Variants in IL1R1 observed in about 807,000 individuals in gnomAD.
The protein encoded by IL1R1 is interleukin-1 receptor type 1.
IL1R1 carries 22 observed loss-of-function variants against 50.2 expected under a neutral mutation model. That is an observed-to-expected ratio of 0.44 (90% confidence interval 0.31 to 0.63). The LOEUF is 0.63. IL1R1 is among the 20% of genes least tolerant of loss of function. The probability of loss-of-function intolerance (pLI) is 0.07; values close to 1 mark genes in which losing one functional copy is unlikely to be tolerated. For synonymous variants in IL1R1, 251 were observed against 236.7 expected (o/e 1.06, Z -0.55); for missense variants, 509 against 676.2 (o/e 0.75, Z 2.74).
intron 1 of IL1R1, among the ~76,000 whole-genome samples, chr2:102,087,599 T>C (rs1406821084): frequency 6.6e-6 from 1 of 152,152 alleles, no homozygotes; most frequent in Admixed American, 6.5e-5. Flanking sequence ...GCTGTTCTCA[T>C]GATAGTGAGT....
intron 1 of IL1R1, among the ~76,000 whole-genome samples, chr2:102,087,223 G>A (rs1434932802): frequency 6.6e-6 from 1 of 152,184 alleles, no homozygotes; most frequent in African/African-American, 2.4e-5. Context: ...GCTAGTGGGA[G>A]GTCTACCCTT....
intron 1 of IL1R1, among the ~76,000 whole-genome samples, chr2:102,075,336 C>T (rs1409927488): frequency 6.6e-6 from 1 of 152,182 alleles, no homozygotes; most frequent in East Asian, 1.9e-4. Context: ...GTGACACTGG[C>T]TCTGTGTAGA....
intron 9 of IL1R1, 127 bp downstream of exon 9, chr2:102,172,965 A>C: frequency 3.1e-6 from 2 of 649,004 alleles, no homozygotes; most frequent in South Asian, 2.1e-5. Flanking sequence ...GGTAACTTCT[A>C]TTTCTCTTTT....
chr2:102,135,614 G>A (rs1391823815), intron 1 of IL1R1, among the ~76,000 whole-genome samples: 1 of 152,162 alleles, frequency 6.6e-6, no homozygotes, highest in African/African-American at 2.4e-5. Flanking sequence ...AAAGGAAAGA[G>A]GAAGAGTGTG....
At chr2:102,168,560 T>C in intron 6 of IL1R1, 38 bp from the exon 7 acceptor site, 1 of 1,538,868 alleles carries the variant, frequency 6.5e-7, no homozygotes. Context: ...TTCTGATCTA[T>C]AAGAGACTGA....
intron 1 of IL1R1, among the ~76,000 whole-genome samples, chr2:102,071,973 TTGGCCGGGTG>T (rs1448573407): frequency 6.6e-6 from 1 of 152,136 alleles, no homozygotes; most frequent in African/African-American, 2.4e-5. Context: ...ATCATTGTAC[TTGGCCGGGTG>T]TGGTAGCTTA....
chr2:102,138,501 C>G (rs941965260), upstream of IL1R1, among the ~76,000 whole-genome samples: 2 of 152,176 alleles, frequency 1.3e-5, no homozygotes, highest in African/African-American at 4.8e-5. Context: ...GCTCTTATTT[C>G]CTGTTCACAT....
chr2:102,092,166 A>G (rs982701719), intron 1 of IL1R1, among the ~76,000 whole-genome samples: 1 of 152,110 alleles, frequency 6.6e-6, no homozygotes, highest in African/African-American at 2.4e-5. Context: ...CCACATAACC[A>G]TTAAAAGCTT....
chr2:102,112,130 G>A (rs766252166), intron 1 of IL1R1, among the ~76,000 whole-genome samples: 1 of 151,872 alleles, frequency 6.6e-6, no homozygotes, highest in Non-Finnish European at 1.5e-5. Flanking sequence ...CAGGGCTCTG[G>A]AGAAGGGGTG....
intron 1 of IL1R1, among the ~76,000 whole-genome samples, chr2:102,119,968 C>T (rs567513421): frequency 2.6e-5 from 4 of 152,230 alleles, no homozygotes; most frequent in African/African-American, 9.6e-5. Context: ...CCTTGGCAGC[C>T]ACCACTCTAC....
chr2:102,140,662 C>T (rs1441658126), upstream of IL1R1, among the ~76,000 whole-genome samples: 1 of 152,184 alleles, frequency 6.6e-6, no homozygotes, highest in East Asian at 1.9e-4. Flanking sequence ...ACAGGGATGA[C>T]AGTCTCCACC....
At chr2:102,129,256 T>A (rs1204587551) in intron 1 of IL1R1, among the ~76,000 whole-genome samples, 3 of 149,410 alleles carry the variant, frequency 2.0e-5, no homozygotes, top group Non-Finnish European at 3.0e-5. Context: ...CCCAAAAACC[T>A]ACAACAACAA....
At chr2:102,172,339 T>C in intron 8 of IL1R1, 2 of 985,296 alleles carry the variant, frequency 2.0e-6, no homozygotes, top group Non-Finnish European at 1.2e-6. Flanking sequence ...CCATGACCTC[T>C]CCTTCACAAC....
upstream of IL1R1, among the ~76,000 whole-genome samples, chr2:102,101,809 T>C (rs187593005): frequency 9.3e-4 from 142 of 152,336 alleles, no homozygotes; most frequent in African/African-American, 3.3e-3. Context: ...TGGGCTCGGC[T>C]CAGGGAATTC....
intron 1 of IL1R1, among the ~76,000 whole-genome samples, chr2:102,107,039 G>A (rs1377217247): frequency 6.6e-5 from 10 of 152,090 alleles, no homozygotes; most frequent in African/African-American, 2.2e-4. Flanking sequence ...AAGGGCATGG[G>A]CATTTTAAAA....
Position 102,174,626 on chromosome 2 carries a change from C to T in IL1R1, c.1031C>T (p.Thr344Met), listed in dbSNP as rs28362304. Residue 344 changes from threonine (T) to methionine (M), a missense_variant, in exon 10 of 12, where the codon ACG (threonine) becomes ATG (methionine). Thr to Met is a moderately conservative substitution (Grantham distance 81). Transcript: ENST00000410023. Reference protein sequence around the residue: ...FQKHMIGICVTLTVIIVCSVF... With the variant: ...FQKHMIGICVMLTVIIVCSVF... ...AAGCACATGATTGGTATATGTGTCA[C>T]GTTGACAGTCATAATTGTGTGTTCT... is the stretch of plus-strand genomic sequence containing the variant. 21,652 of 1,609,596 alleles carry T rather than the reference C, an allele frequency of 0.013. 836 individuals are homozygous for T. Among genetic ancestry groups the T allele is most frequent in the South Asian group, 0.11 (10,154 of 90,332 alleles).
intron 1 of IL1R1, among the ~76,000 whole-genome samples, chr2:102,083,513 A>T (rs1679307119): frequency 6.6e-6 from 1 of 152,206 alleles, no homozygotes; most frequent in African/African-American, 2.4e-5. Flanking sequence ...GCCTTGACAC[A>T]AACAGATACG....
At chr2:102,102,435 A>T (rs1233514113), upstream of IL1R1, among the ~76,000 whole-genome samples, 1 of 152,158 alleles carries the variant, frequency 6.6e-6, no homozygotes, top group East Asian at 1.9e-4. Context: ...TTAAATTTCC[A>T]TGCAAGTCAA....
upstream of IL1R1, among the ~76,000 whole-genome samples, chr2:102,139,564 G>C (rs1682526809): frequency 6.6e-6 from 1 of 152,230 alleles, no homozygotes; most frequent in Non-Finnish European, 1.5e-5. Context: ...TGTTGGAGGT[G>C]GGGGCTGGTG....
Sources: allele counts gnomAD v4.1 joint callset (sites outside exome capture counted in the v4.1 genomes callset), GRCh38; gene constraint gnomAD v4.1.1; transcripts MANE v1.5; gene names NCBI Gene and HGNC (gene_info 2026-07-23, HGNC 2026-07-21).